MICU2: variants seen among roughly 807,000 people sequenced by gnomAD.
MICU2 encodes mitochondrial calcium uptake 2, also known as calcium uptake protein 2, mitochondrial.
Under a neutral mutation model 60.4 loss-of-function variants are expected in MICU2, and 64 were observed. The ratio of observed to expected loss-of-function variants is 1.06; its 90% CI spans 0.87 to 1.31. The LOEUF (loss-of-function observed/expected upper bound fraction) is 1.31. Ranked by LOEUF, MICU2 falls within the 50% of genes most tolerant of loss-of-function variation. MICU2 has a pLI of 0.00. For missense variants in MICU2, 569 were observed against 531.0 expected (o/e 1.07, Z -0.70); for synonymous variants, 201 against 175.0 (o/e 1.15, Z -1.17).
At chr13:21,544,640 G>C (rs1331387657) in intron 2 of MICU2, among the ~76,000 whole-genome samples, 1 of 151,696 alleles carries the variant, frequency 6.6e-6, no homozygotes, top group Non-Finnish European at 1.5e-5. Context: ...ATAAACTCTT[G>C]CAAGGATGCA....
chr13:21,551,944 T>C (rs1335485984), intron 2 of MICU2, among the ~76,000 whole-genome samples: 4 of 152,156 alleles, frequency 2.6e-5, no homozygotes, highest in African/African-American at 9.7e-5. Context: ...TTTGGGTATA[T>C]GCCCAGTAAT....
chr13:21,499,647 T>C (rs1259035716), intron 9 of MICU2, among the ~76,000 whole-genome samples: 1 of 152,078 alleles, frequency 6.6e-6, no homozygotes, highest in Admixed American at 6.5e-5. Flanking sequence ...TCTGACCTCA[T>C]GATCTGCCCG....
At chr13:21,570,544 A>C (rs1371010819) in intron 1 of MICU2, among the ~76,000 whole-genome samples, 1 of 152,210 alleles carries the variant, frequency 6.6e-6, no homozygotes, top group Non-Finnish European at 1.5e-5. Flanking sequence ...AAGGTGCCTT[A>C]TTATATCATT....
intron 1 of MICU2, among the ~76,000 whole-genome samples, chr13:21,574,027 T>C (rs1432193246): frequency 1.3e-5 from 2 of 152,176 alleles, no homozygotes; most frequent in African/African-American, 4.8e-5. Flanking sequence ...TGGCAGTGTA[T>C]ACAGTTACAT....
intron 10 of MICU2, 24 bp downstream of exon 10, chr13:21,496,028 T>TA (rs1227789575): frequency 1.3e-6 from 2 of 1,522,598 alleles, no homozygotes; most frequent in African/African-American, 2.8e-5. Flanking sequence ...TGATAAAAAT[T>TA]AAATGGTTTT....
At chr13:21,596,278 C>T (rs1418924584) in intron 1 of MICU2, among the ~76,000 whole-genome samples, 1 of 152,114 alleles carries the variant, frequency 6.6e-6, no homozygotes, top group Admixed American at 6.6e-5. Context: ...TACAGAGTTG[C>T]TTTTCCAATC....
chr13:21,603,903 C>G, intron 1 of MICU2, 36 bp downstream of exon 1: 1 of 1,605,250 alleles, frequency 6.2e-7, no homozygotes, highest in Non-Finnish European at 8.5e-7. Context: ...GAGGGAGGAG[C>G]TTGACTGGGG....
At position 21,603,951 on chromosome 13, in the gene MICU2, T is replaced by C. The variant is rs1280550220; in HGVS notation, c.198A>G (p.Thr66=). Residue 66 remains threonine, a synonymous_variant, in exon 1 of 12, where the codon ACA becomes ACG. Coordinates refer to ENST00000382374, the MANE Select transcript of MICU2 (RefSeq NM_152726.3). ...GTTAGTCCTGTACCTGTGCGGAGAC[T>C]GTAAAACTGCCATCCCGCGCCGCAA... ...VSVAARDGSF[T]VSAQKNVEHG... 1.9e-6 allele frequency: 3 copies of C among 1,612,538 alleles called. No homozygotes were observed. Among genetic ancestry groups the C allele is most frequent in the Admixed American group, 1.7e-5 (1 of 60,004 alleles).
At chr13:21,534,078 T>TA (rs770621245) in intron 4 of MICU2, among the ~76,000 whole-genome samples, 1,976 of 126,120 alleles carry the variant, frequency 0.016, 14 homozygotes, top group Non-Finnish European at 0.022. Flanking sequence ...TGAGACTGTC[T>TA]AAAAAAAAAA....
chr13:21,603,859 G>C (rs371820413), intron 1 of MICU2, 80 bp downstream of exon 1: 38 of 1,511,230 alleles, frequency 2.5e-5, no homozygotes, highest in African/African-American at 4.2e-5. Context: ...GAGCCGCCCA[G>C]AGCCAAACCA....
intron 2 of MICU2, among the ~76,000 whole-genome samples, chr13:21,546,953 C>T (rs1304381324): frequency 6.6e-6 from 1 of 152,160 alleles, no homozygotes; most frequent in Non-Finnish European, 1.5e-5. Context: ...CTTTATTTCT[C>T]TCTTTTAAAT....
At chr13:21,576,279 T>G (rs80260025) in intron 1 of MICU2, among the ~76,000 whole-genome samples, 4 of 152,168 alleles carry the variant, frequency 2.6e-5, no homozygotes, top group East Asian at 1.9e-4. Flanking sequence ...CTCTTTTTTT[T>G]GGGCAGCTGA....
At chr13:21,558,799 C>A (rs1887768917) in intron 2 of MICU2, among the ~76,000 whole-genome samples, 1 of 152,082 alleles carries the variant, frequency 6.6e-6, no homozygotes, top group South Asian at 2.1e-4. Context: ...CAAGGTAGAG[C>A]CTCCATTTCA....
chr13:21,575,898 T>C (rs1888216166), intron 1 of MICU2, among the ~76,000 whole-genome samples: 1 of 152,204 alleles, frequency 6.6e-6, no homozygotes, highest in African/African-American at 2.4e-5. Context: ...GAAGGTAAAA[T>C]ACTACTTGTG....
intron 2 of MICU2, among the ~76,000 whole-genome samples, chr13:21,554,899 C>T (rs1247702816): frequency 6.6e-6 from 1 of 152,150 alleles, no homozygotes; most frequent in African/African-American, 2.4e-5. Context: ...CACCTCTACG[C>T]AAATAAACTA....
chr13:21,528,498 A>T (rs1242936864), intron 4 of MICU2, among the ~76,000 whole-genome samples: 10 of 152,116 alleles, frequency 6.6e-5, no homozygotes, highest in Non-Finnish European at 1.3e-4. Context: ...CTTTTTTCCT[A>T]TACTATCAGA....
intron 11 of MICU2, 34 bp downstream of exon 11, chr13:21,495,127 T>C: frequency 1.9e-6 from 3 of 1,547,676 alleles, no homozygotes; most frequent in Non-Finnish European, 2.6e-6. Flanking sequence ...TTAATGACAA[T>C]GTAAACATGT....
Position 21,496,077 on chromosome 13 carries a change from A to T in MICU2, c.1017T>A (p.Ser339Arg). 2.5e-6 allele frequency: 4 copies of T among 1,613,916 alleles called. No homozygotes were observed. Among genetic ancestry groups the T allele is most frequent in the Non-Finnish European group, 3.4e-6 (4 of 1,179,902 alleles). The part of the protein sequence containing the change: ...EDFAIAMQMF[S>R]LAHRPVRLAE... ...CTAGTCTGACAGGACGATGAGCTAA[A>T]CTGAACATCTGCATGGCAATAGCAA... Residue 339 changes from serine to arginine, a missense_variant, in exon 10 of 12, where the codon AGT (serine) becomes AGA (arginine). Coordinates refer to ENST00000382374, the MANE Select transcript of MICU2 (RefSeq NM_152726.3).
At chr13:21,538,231 T>G (rs746457694) in intron 4 of MICU2, among the ~76,000 whole-genome samples, 1 of 151,912 alleles carries the variant, frequency 6.6e-6, no homozygotes, top group Non-Finnish European at 1.5e-5. Context: ...TCTGTACAGT[T>G]GGCCCTCCGC....
Sources: gnomAD v4.1 joint callset for allele counts (sites outside exome capture counted in the v4.1 genomes callset) on GRCh38, gnomAD v4.1.1 for gene constraint, MANE v1.5 for transcripts, NCBI Gene and HGNC (gene_info 2026-07-23, HGNC 2026-07-21) for gene names.